CNST: variants seen among roughly 807,000 people sequenced by gnomAD.
CNST encodes the protein consortin, connexin sorting protein, also known as consortin.
CNST carries 39 observed loss-of-function variants against 72.4 expected under a neutral mutation model. The observed-to-expected ratio is 0.54, with a 90% CI of 0.42 to 0.70. The LOEUF (loss-of-function observed/expected upper bound fraction) is 0.70. Among genes scored for constraint, CNST ranks in the 30% least tolerant of loss-of-function variants. The pLI, the probability that CNST is intolerant of heterozygous loss-of-function variation, is 0.00. For missense variants in CNST, 871 were observed against 868.5 expected (o/e 1.00, Z -0.04); for synonymous variants, 332 against 320.1 (o/e 1.04, Z -0.40).
chr1:246,626,637 A>G (rs574385972), intron 3 of CNST, among the ~76,000 whole-genome samples: 1 of 146,900 alleles, frequency 6.8e-6, no homozygotes, highest in East Asian at 2.1e-4. Flanking sequence ...TTAAATTTTT[A>G]GCAGAGACGG....
intron 6 of CNST, among the ~76,000 whole-genome samples, chr1:246,639,636 A>G (rs920961000): frequency 6.6e-5 from 10 of 152,178 alleles, no homozygotes; most frequent in Non-Finnish European, 1.3e-4. Context: ...GCAGATCATC[A>G]ACATATTGAA....
intron 1 of CNST, among the ~76,000 whole-genome samples, chr1:246,573,617 T>G (rs1660198389): frequency 2.0e-5 from 3 of 152,186 alleles, no homozygotes; most frequent in Admixed American, 1.3e-4. Flanking sequence ...CAACAGAGCT[T>G]TAACCTGTGT....
At chr1:246,662,599 C>T (rs1667159893) in intron 10 of CNST, among the ~76,000 whole-genome samples, 1 of 152,184 alleles carries the variant, frequency 6.6e-6, no homozygotes, top group African/African-American at 2.4e-5. Context: ...CCATGTTGGC[C>T]AGGCTGGTCT....
At chr1:246,595,866 G>A (rs1030738063) in intron 2 of CNST, among the ~76,000 whole-genome samples, 2 of 152,038 alleles carry the variant, frequency 1.3e-5, no homozygotes, top group Admixed American at 6.5e-5. Context: ...CCAAAGGCTA[G>A]TACTGGAAAA....
chr1:246,575,193 C>G (rs914998257), intron 1 of CNST, among the ~76,000 whole-genome samples: 1 of 152,054 alleles, frequency 6.6e-6, no homozygotes, highest in African/African-American at 2.4e-5. Context: ...GGGGTTTCAT[C>G]ATGTTGGCCA....
chr1:246,589,394 T>C (rs930288924), intron 1 of CNST, among the ~76,000 whole-genome samples: 1 of 151,910 alleles, frequency 6.6e-6, no homozygotes, highest in Non-Finnish European at 1.5e-5. Context: ...GATAGTTTGC[T>C]GAGAATGATG....
chr1:246,591,751 G>A lies in CNST; in HGVS notation c.189G>A (p.Val63=). 1.2e-6 allele frequency: 2 copies of A among 1,614,196 alleles called. No homozygotes were observed. The highest frequency in any genetic ancestry group is 2.2e-5 in the South Asian group (2 of 91,086). ...SSDSAMGKPQ[V]SEQDSLNNNE... is the part of the protein sequence containing the mutation. ...ACAGTGCGATGGGAAAGCCCCAAGT[G>A]TCTGAGCAGGACAGTCTCAATAATA... Residue 63 remains valine (V), a synonymous_variant, in exon 2 of 11, where the codon GTG becomes GTA. Transcript: ENST00000366513.
At chr1:246,615,319 G>C (rs1663609226) in intron 2 of CNST, among the ~76,000 whole-genome samples, 1 of 152,058 alleles carries the variant, frequency 6.6e-6, no homozygotes. Context: ...GGGACTACAG[G>C]CGCGTGCCAC....
intron 6 of CNST, among the ~76,000 whole-genome samples, chr1:246,640,185 T>A (rs1665594636): frequency 6.6e-6 from 1 of 152,246 alleles, no homozygotes; most frequent in East Asian, 1.9e-4. Flanking sequence ...CAAAAGATTC[T>A]TCTGATTAGA....
Position 246,648,032 on chromosome 1 carries a change from G to T in CNST, c.1831G>T (p.Ala611Ser). ...LDDLAKRIEI[A>S]EVVPTEGLVS... ...TGATCTTGCCAAAAGGATAGAGATTGCAGAGGTAAATCAGAGATGAAGTAC... is the reference window on the plus strand; with the variant it reads ...TGATCTTGCCAAAAGGATAGAGATTTCAGAGGTAAATCAGAGATGAAGTAC... Residue 611 changes from alanine (A) to serine (S), a missense_variant, in exon 9 of 11, where the codon GCA becomes TCA. By Grantham distance (99) the Ala-to-Ser change is moderately conservative. Coordinates refer to ENST00000366513, the MANE Select transcript of CNST (RefSeq NM_152609.3). The T allele has an allele frequency of 6.2e-7, 1 of 1,603,588 alleles. No homozygotes were observed. The highest frequency in any genetic ancestry group is 8.5e-7 in the Non-Finnish European group (1 of 1,175,706).
intron 6 of CNST, among the ~76,000 whole-genome samples, chr1:246,641,499 G>A (rs1665688357): frequency 6.6e-6 from 1 of 151,938 alleles, no homozygotes; most frequent in Non-Finnish European, 1.5e-5. Flanking sequence ...TCTTCTTCTG[G>A]AATATAGCAT....
chr1:246,600,739 C>T (rs1662230333), intron 2 of CNST, among the ~76,000 whole-genome samples: 1 of 152,098 alleles, frequency 6.6e-6, no homozygotes, highest in African/African-American at 2.4e-5. Flanking sequence ...GCTTTTGGGT[C>T]AGGTGTCTGG....
At chr1:246,621,377 A>T in intron 2 of CNST, 52 bp from the exon 3 acceptor site, 1 of 1,368,608 alleles carries the variant, frequency 7.3e-7, no homozygotes, top group South Asian at 1.2e-5. Flanking sequence ...TTAATGTGTT[A>T]CACCATCATG....
intron 1 of CNST, among the ~76,000 whole-genome samples, chr1:246,579,066 C>T (rs565417288): frequency 1.3e-5 from 2 of 152,348 alleles, no homozygotes; most frequent in African/African-American, 2.4e-5. Flanking sequence ...GGTCACTTCT[C>T]ACAATAGACT....
intron 3 of CNST, among the ~76,000 whole-genome samples, chr1:246,624,052 G>A (rs1021239340): frequency 6.6e-6 from 1 of 152,206 alleles, no homozygotes; most frequent in Non-Finnish European, 1.5e-5. Context: ...AACAGAGGAA[G>A]ACCCCATCTA....
chr1:246,615,969 C>T (rs1298940651), intron 2 of CNST, among the ~76,000 whole-genome samples: 1 of 152,034 alleles, frequency 6.6e-6, no homozygotes. Flanking sequence ...GTTGACAGGT[C>T]TTAAATTAGG....
chr1:246,601,865 A>G (rs1662310665), intron 2 of CNST, among the ~76,000 whole-genome samples: 1 of 152,220 alleles, frequency 6.6e-6, no homozygotes, highest in South Asian at 2.1e-4. Context: ...TCTAGAACTG[A>G]CACACATTCA....
chr1:246,576,774 G>A (rs569421795), intron 1 of CNST, among the ~76,000 whole-genome samples: 3 of 152,032 alleles, frequency 2.0e-5, no homozygotes, highest in East Asian at 3.9e-4. Context: ...GGTTACAGGC[G>A]TGAGCCACCG....
chr1:246,610,614 G>C (rs182923804), intron 2 of CNST, among the ~76,000 whole-genome samples: 3 of 152,166 alleles, frequency 2.0e-5, no homozygotes, highest in African/African-American at 7.2e-5. Flanking sequence ...CTTTGTTCAG[G>C]GTTGGCTGTT....
Sources: allele counts gnomAD v4.1 joint callset (sites outside exome capture counted in the v4.1 genomes callset), GRCh38; gene constraint gnomAD v4.1.1; transcripts MANE v1.5; gene names NCBI Gene and HGNC (gene_info 2026-07-23, HGNC 2026-07-21).